BRINP3: variants seen among roughly 807,000 people sequenced by gnomAD.
BRINP3 encodes BMP/retinoic acid inducible neural specific 3.
In BRINP3, 19 loss-of-function variants were observed where a neutral mutation model predicts 71.0. The ratio of observed to expected loss-of-function variants is 0.27; its 90% CI spans 0.19 to 0.39. The LOEUF is 0.39. Ranked by LOEUF, BRINP3 falls within the 10% of genes least tolerant of loss-of-function variation. The probability of loss-of-function intolerance (pLI) is 1.00; values close to 1 mark genes in which losing one functional copy is unlikely to be tolerated. For synonymous variants in BRINP3, 380 were observed against 337.7 expected, an observed-to-expected ratio of 1.13 and a Z score of -1.37; for missense variants, 959 against 940.8, an observed-to-expected ratio of 1.02 and a Z score of -0.25.
intron 6 of BRINP3, among the ~76,000 whole-genome samples, chr1:190,166,663 G>T (rs1399227768): frequency 1.3e-5 from 2 of 152,100 alleles, no homozygotes; most frequent in African/African-American, 4.8e-5. Flanking sequence ...ATGGTTAGTT[G>T]GTTAGTTCCA....
intron 3 of BRINP3, among the ~76,000 whole-genome samples, chr1:190,272,417 C>T (rs1350875764): frequency 6.6e-6 from 1 of 151,354 alleles, no homozygotes; most frequent in Non-Finnish European, 1.5e-5. Context: ...GGTAAAGTTG[C>T]ATATGTACTT....
intron 4 of BRINP3, among the ~76,000 whole-genome samples, chr1:190,245,237 T>C (rs1262621979): frequency 2.6e-5 from 4 of 151,144 alleles, no homozygotes; most frequent in Non-Finnish European, 5.9e-5. Flanking sequence ...TGTTCTGTCA[T>C]TTCTTTTCTT....
At chr1:190,212,811 C>T (rs1464122873) in intron 6 of BRINP3, among the ~76,000 whole-genome samples, 1 of 152,030 alleles carries the variant, frequency 6.6e-6, no homozygotes, top group East Asian at 1.9e-4. Context: ...AGCCTGAGTC[C>T]AGGAGTGAAG....
At chr1:190,239,749 CATCT>C (rs1658873175) in intron 4 of BRINP3, among the ~76,000 whole-genome samples, 1 of 151,930 alleles carries the variant, frequency 6.6e-6, no homozygotes, top group Non-Finnish European at 1.5e-5. Flanking sequence ...GATATCTAGA[CATCT>C]ATCTACTTAC....
At chr1:190,218,546 T>C (rs886513802) in intron 6 of BRINP3, among the ~76,000 whole-genome samples, 4 of 152,126 alleles carry the variant, frequency 2.6e-5, no homozygotes, top group Non-Finnish European at 5.9e-5. Flanking sequence ...AATTAACATA[T>C]CTACCACCTC....
In BRINP3 at chr1:190,226,325, G is replaced by C. The variant is rs200455431; in HGVS notation, c.725-7C>G. 3.3e-5 allele frequency: 49 copies of C among 1,465,532 alleles called. No individual in the cohort carries two copies. Among genetic ancestry groups the C allele is most frequent in the Non-Finnish European group, 4.1e-5 (45 of 1,097,818 alleles). The allele number at this position is 1,465,532 out of a possible 1,614,324, so 90.8% of individuals were successfully genotyped here. ...GGGAGAAGTACTTGAAGCCCTTGAA[G>C]AACAAACAAAGAAATTAACAAATTT... On this transcript the variant is annotated splice_polypyrimidine_tract_variant and splice_region_variant and intron_variant, in intron 5 of 7. Transcript: ENST00000367462.
intron 7 of BRINP3, among the ~76,000 whole-genome samples, chr1:190,134,478 T>G (rs1295143145): frequency 6.6e-6 from 1 of 152,056 alleles, no homozygotes; most frequent in Admixed American, 6.6e-5. Flanking sequence ...AACTGCTGTG[T>G]GGAGAATGAA....
intron 2 of BRINP3, among the ~76,000 whole-genome samples, chr1:190,416,649 TG>T (rs1158689027): frequency 1.3e-5 from 2 of 152,222 alleles, no homozygotes; most frequent in African/African-American, 4.8e-5. Flanking sequence ...GTAATAATGA[TG>T]TAAGCATTTA....
chr1:190,360,622 T>C (rs1038742994), intron 2 of BRINP3, among the ~76,000 whole-genome samples: 1 of 152,170 alleles, frequency 6.6e-6, no homozygotes, highest in African/African-American at 2.4e-5. Flanking sequence ...GTAACAAGAA[T>C]GTAATACCAT....
chr1:190,267,897 A>T (rs1261039241), intron 3 of BRINP3, among the ~76,000 whole-genome samples: 1 of 152,116 alleles, frequency 6.6e-6, no homozygotes, highest in Non-Finnish European at 1.5e-5. Context: ...ATATAAAAAA[A>T]TTGATAATAC....
intron 2 of BRINP3, among the ~76,000 whole-genome samples, chr1:190,393,230 T>C (rs1671362503): frequency 6.6e-6 from 1 of 151,668 alleles, no homozygotes; most frequent in Admixed American, 6.6e-5. Context: ...TACATATTCA[T>C]GTACATAGTG....
intron 6 of BRINP3, among the ~76,000 whole-genome samples, chr1:190,204,990 CAA>C (rs35361616): frequency 1.5e-3 from 218 of 142,826 alleles, no homozygotes; most frequent in Middle Eastern, 7.3e-3. Context: ...TTTCCTTTGG[CAA>C]AAAAAAAAAA....
chr1:190,231,748 A>G (rs1402156875), intron 5 of BRINP3, among the ~76,000 whole-genome samples: 1 of 151,810 alleles, frequency 6.6e-6, no homozygotes. Flanking sequence ...CTGCTCTGTA[A>G]TCTTATCAGC....
At chr1:190,410,041 C>A (rs1002883686) in intron 2 of BRINP3, among the ~76,000 whole-genome samples, 4 of 151,702 alleles carry the variant, frequency 2.6e-5, no homozygotes, top group African/African-American at 9.7e-5. Context: ...ATTTCCCTTC[C>A]TTCTTTCCTA....
intron 2 of BRINP3, among the ~76,000 whole-genome samples, chr1:190,449,249 C>T (rs976423016): frequency 1.3e-5 from 2 of 151,720 alleles, no homozygotes; most frequent in African/African-American, 4.8e-5. Context: ...ATTATCACAC[C>T]CTCCAAACTC....
At chr1:190,263,840 G>A (rs377012080) in intron 4 of BRINP3, among the ~76,000 whole-genome samples, 1 of 152,022 alleles carries the variant, frequency 6.6e-6, no homozygotes, top group Non-Finnish European at 1.5e-5. Context: ...CCCCCGCCTC[G>A]GCCTCCCAAA....
intron 2 of BRINP3, among the ~76,000 whole-genome samples, chr1:190,440,416 G>T (rs1411819419): frequency 6.6e-6 from 1 of 151,832 alleles, no homozygotes. Flanking sequence ...AATAAAACCT[G>T]CAGTCCGTTC....
intron 7 of BRINP3, among the ~76,000 whole-genome samples, chr1:190,128,176 G>A (rs550786815): frequency 1.9e-4 from 29 of 151,706 alleles, no homozygotes; most frequent in Non-Finnish European, 3.5e-4. Context: ...TTTGAACTTC[G>A]TTATTCTTCC....
intron 2 of BRINP3, among the ~76,000 whole-genome samples, chr1:190,354,006 C>T (rs1668569916): frequency 6.6e-6 from 1 of 151,872 alleles, no homozygotes; most frequent in Non-Finnish European, 1.5e-5. Context: ...ACAACAAAGT[C>T]CAAATTTCTG....
Sources: gnomAD v4.1 joint callset for allele counts (sites outside exome capture counted in the v4.1 genomes callset) on GRCh38, gnomAD v4.1.1 for gene constraint, MANE v1.5 for transcripts, NCBI Gene and HGNC (gene_info 2026-07-23, HGNC 2026-07-21) for gene names.